The following SLC16A10 variants were observed in gnomAD, a reference collection of about 807,000 sequenced individuals.
SLC16A10 encodes the protein monocarboxylate transporter 10.
SLC16A10 carries 27 observed loss-of-function variants against 40.0 expected under a neutral mutation model. That is an observed-to-expected ratio of 0.67 (90% CI 0.50 to 0.93). SLC16A10 has a LOEUF of 0.93. Ranked by LOEUF, SLC16A10 falls within the 40% of genes least tolerant of loss-of-function variation. SLC16A10 has a pLI of 0.00. For missense variants in SLC16A10, 529 were observed against 658.2 expected, an observed-to-expected ratio of 0.80 and a Z score of 2.15; for synonymous variants, 213 against 249.8, an observed-to-expected ratio of 0.85 and a Z score of 1.39.
At chr6:111,165,812 A>G (rs138134977) in intron 1 of SLC16A10, among the ~76,000 whole-genome samples, 17 of 152,368 alleles carry the variant, frequency 1.1e-4, no homozygotes, top group African/African-American at 3.6e-4. Context: ...TAAAAGTCAC[A>G]CAGATATTAG....
chr6:111,205,140 G>GTATGAAAACA (rs1436923415), intron 3 of SLC16A10, among the ~76,000 whole-genome samples: 1 of 152,162 alleles, frequency 6.6e-6, no homozygotes, highest in Non-Finnish European at 1.5e-5. Context: ...TTCTGGACCA[G>GTATGAAAACA]TATGAAAACA....
At chr6:111,127,968 C>T (rs1025401220) in intron 1 of SLC16A10, among the ~76,000 whole-genome samples, 1 of 152,086 alleles carries the variant, frequency 6.6e-6, no homozygotes, top group Non-Finnish European at 1.5e-5. Flanking sequence ...TGGACTGGGT[C>T]GTCTTCCCTA....
At chr6:111,218,247 C>T (rs960072498) in intron 4 of SLC16A10, among the ~76,000 whole-genome samples, 2 of 151,954 alleles carry the variant, frequency 1.3e-5, no homozygotes, top group Admixed American at 6.6e-5. Context: ...ATTCTGACTT[C>T]AAGGGATTTG....
intron 1 of SLC16A10, among the ~76,000 whole-genome samples, chr6:111,122,563 T>C (rs777080065): frequency 4.6e-5 from 7 of 152,214 alleles, no homozygotes; most frequent in Non-Finnish European, 7.3e-5. Flanking sequence ...AGTTCATCCA[T>C]GCAGACCTAG....
Position 111,222,400 on chromosome 6 carries a change from C to T in SLC16A10, c.*165C>T. The T allele has an allele frequency of 1.3e-6, 1 of 793,984 alleles. No homozygotes were observed. The highest frequency in any genetic ancestry group is 1.8e-6 in the Non-Finnish European group (1 of 547,804). The allele number at this position is 793,984 out of a possible 1,614,324, so 49.2% of individuals were successfully genotyped here. Reference sequence around the variant, plus strand: ...TCACTAGAAGAACCATTTTCTGCCACTAAATATCTCTGATGTTTCCATGAG... The same window carrying T: ...TCACTAGAAGAACCATTTTCTGCCATTAAATATCTCTGATGTTTCCATGAG... On this transcript the variant is annotated 3_prime_UTR_variant, in exon 6 of 6. Transcript: ENST00000368851.
chr6:111,123,645 A>C (rs1031028636), intron 1 of SLC16A10, among the ~76,000 whole-genome samples: 1 of 152,194 alleles, frequency 6.6e-6, no homozygotes, highest in African/African-American at 2.4e-5. Flanking sequence ...CAAGTCAGAT[A>C]ACCAGTAACA....
chr6:111,221,392 A>G lies in SLC16A10; in HGVS notation c.1316-611A>G, dbSNP rs530277443. 9.9e-5 allele frequency among the ~76,000 whole-genome samples: 15 copies of G among 152,256 alleles called. No individual in the cohort carries two copies. The South Asian group carries it at 2.9e-3, about 29-fold the overall frequency. On this transcript the variant is annotated intron_variant, in intron 5 of 5. Coordinates refer to ENST00000368851, the MANE Select transcript of SLC16A10 (RefSeq NM_018593.5). ...ATTATTAAATTTAAAATTTTTCTTAATTTTGAATTATGATGTTAAATAGTT... is the reference window on the plus strand; with the variant it reads ...ATTATTAAATTTAAAATTTTTCTTAGTTTTGAATTATGATGTTAAATAGTT...
chr6:111,180,777 A>G (rs954836392), intron 3 of SLC16A10, among the ~76,000 whole-genome samples: 8 of 152,154 alleles, frequency 5.3e-5, no homozygotes, highest in Admixed American at 2.0e-4. Flanking sequence ...ACTGCACGCC[A>G]GCCTGGGTAA....
chr6:111,098,234 A>AGTT (rs1389437850), intron 1 of SLC16A10, among the ~76,000 whole-genome samples: 2 of 152,104 alleles, frequency 1.3e-5, no homozygotes, highest in Non-Finnish European at 2.9e-5. Flanking sequence ...TGAACCCGCG[A>AGTT]GTTGGAGGTT....
At chr6:111,196,468 C>T (rs561808564) in intron 3 of SLC16A10, among the ~76,000 whole-genome samples, 1 of 152,266 alleles carries the variant, frequency 6.6e-6, no homozygotes, top group South Asian at 2.1e-4. Flanking sequence ...TAGGCAACAG[C>T]GAGACCCCAT....
intron 1 of SLC16A10, among the ~76,000 whole-genome samples, chr6:111,115,264 G>A (rs1008544701): frequency 1.3e-5 from 2 of 152,312 alleles, no homozygotes; most frequent in African/African-American, 2.4e-5. Flanking sequence ...AGGCTGGAGC[G>A]CAGTGGCACG....
At chr6:111,095,504 G>T (rs1771058383) in intron 1 of SLC16A10, among the ~76,000 whole-genome samples, 1 of 152,172 alleles carries the variant, frequency 6.6e-6, no homozygotes, top group East Asian at 1.9e-4. Context: ...AGCATTCCGT[G>T]AAAGCCATTT....
At position 111,087,757 on chromosome 6, in the gene SLC16A10, T is replaced by G; in HGVS notation, c.5T>G (p.Val2Gly). The change falls in exon 1 of 6, where the codon GTG becomes GGG. Residue 2 changes from valine to glycine, a missense_variant. Transcript: ENST00000368851. ...CTGAGGGGCCCGCCTCGGGCCATGGTGCTCTCCCAGGAGGAGCCGGACTCC... is the reference window on the plus strand; with the variant it reads ...CTGAGGGGCCCGCCTCGGGCCATGGGGCTCTCCCAGGAGGAGCCGGACTCC... MVLSQEEPDSAR... is the reference protein window; with the variant it reads MGLSQEEPDSAR... 1.2e-5 allele frequency: 15 copies of G among 1,211,118 alleles called. No individual in the cohort carries two copies. Among genetic ancestry groups the G allele is most frequent in the Non-Finnish European group, 1.4e-5 (14 of 975,936 alleles). The allele number at this position is 1,211,118 out of a possible 1,614,324, so 75.0% of individuals were successfully genotyped here. A position where few individuals can be genotyped will look rare whatever the true frequency, so the allele number is the denominator to read the frequency against.
chr6:111,187,122 T>C (rs577192615), intron 3 of SLC16A10, among the ~76,000 whole-genome samples: 2 of 152,320 alleles, frequency 1.3e-5, no homozygotes, highest in East Asian at 3.9e-4. Flanking sequence ...AGGTTTCTTT[T>C]AGACAAATAC....
At chr6:111,215,770 C>T (rs551098798) in intron 4 of SLC16A10, among the ~76,000 whole-genome samples, 3 of 152,258 alleles carry the variant, frequency 2.0e-5, no homozygotes, top group Admixed American at 2.0e-4. Context: ...TTTGGGAGGC[C>T]AAAGCAAGTA....
rs746740002 is a variant in SLC16A10, at chr6:111,177,204, T to C, written c.489-8T>C. 47 of 1,489,446 alleles carry C rather than the reference T, an allele frequency of 3.2e-5. No homozygotes were observed. Among genetic ancestry groups the C allele is most frequent in the Non-Finnish European group, 3.9e-5 (44 of 1,118,048 alleles). 92.3% of individuals were successfully genotyped at this position (1,489,446 alleles called of 1,614,324 possible). ...AAGCTGCTTTCCATCTTTTTCATCT[T>C]TATACAGTTCCATCGAGCCTCTGTA... On this transcript the variant is annotated splice_polypyrimidine_tract_variant and splice_region_variant and intron_variant, in intron 2 of 5. Coordinates refer to ENST00000368851, the MANE Select transcript of SLC16A10 (RefSeq NM_018593.5).
At chr6:111,152,256 CA>C (rs1471237092) in intron 1 of SLC16A10, among the ~76,000 whole-genome samples, 1 of 152,124 alleles carries the variant, frequency 6.6e-6, no homozygotes, top group African/African-American at 2.4e-5. Context: ...TTTTGTCAAC[CA>C]GCATATCAAC....
rs985180991 is a variant in SLC16A10, at chr6:111,087,526, C to T, written c.-227C>T. 1.0e-5 allele frequency: 2 copies of T among 193,546 alleles called. No homozygotes were observed. Among genetic ancestry groups the T allele is most frequent in the African/African-American group, 4.7e-5 (2 of 42,548 alleles). 12.0% of individuals were successfully genotyped at this position (193,546 alleles called of 1,614,324 possible). A position where few individuals can be genotyped will look rare whatever the true frequency, so the allele number is the denominator to read the frequency against. ...TCAGTCGGGGGTGCGGGGCTGTGAC[C>T]TAGAGGCTTCAGTGTCGATCCCCGA... On this transcript the variant is annotated 5_prime_UTR_variant, in exon 1 of 6. Coordinates refer to ENST00000368851, the MANE Select transcript of SLC16A10 (RefSeq NM_018593.5).
intron 4 of SLC16A10, among the ~76,000 whole-genome samples, chr6:111,217,922 GA>G (rs1333395422): frequency 6.6e-6 from 1 of 152,094 alleles, no homozygotes; most frequent in Non-Finnish European, 1.5e-5. Context: ...GGGTAGGAAC[GA>G]AATCTTATTC....
Sources: gnomAD v4.1 joint callset for allele counts (sites outside exome capture counted in the v4.1 genomes callset) on GRCh38, gnomAD v4.1.1 for gene constraint, MANE v1.5 for transcripts, NCBI Gene and HGNC (gene_info 2026-07-23, HGNC 2026-07-21) for gene names.